MAP3K20: variants seen among roughly 807,000 people sequenced by gnomAD.
MAP3K20 encodes HCCS-4.
MAP3K20 carries 40 observed loss-of-function variants against 85.7 expected under a neutral mutation model. The ratio of observed to expected loss-of-function variants is 0.47; its 90% confidence interval spans 0.36 to 0.61. The LOEUF (loss-of-function observed/expected upper bound fraction) is 0.61. MAP3K20 is among the 20% of genes least tolerant of loss of function. The pLI, the probability that MAP3K20 is intolerant of heterozygous loss-of-function variation, is 0.00. For missense variants in MAP3K20, 817 were observed against 961.7 expected, an observed-to-expected ratio of 0.85 and a Z score of 1.99; for synonymous variants, 325 against 327.7, an observed-to-expected ratio of 0.99 and a Z score of 0.09.
intron 2 of MAP3K20, among the ~76,000 whole-genome samples, chr2:173,137,234 T>A (rs1163167699): frequency 6.6e-6 from 1 of 152,244 alleles, no homozygotes; most frequent in Non-Finnish European, 1.5e-5. Flanking sequence ...AATTTATATA[T>A]GCAAAATTCC....
chr2:173,112,866 G>A (rs1460897175), intron 2 of MAP3K20, among the ~76,000 whole-genome samples: 1 of 152,090 alleles, frequency 6.6e-6, no homozygotes, highest in Non-Finnish European at 1.5e-5. Flanking sequence ...AAGGATATCA[G>A]TCTGTAGTTT....
In MAP3K20 at chr2:173,242,695, CTTTCTTTTTTTT is replaced by C. The variant is rs1684816703; in HGVS notation, c.1359+3203_1359+3214del. ...TCCTTGGTCACCCATCCAGAGTAAT[CTTTCTTTTTTTT>C]TTTTTTTTTTTTTTTTTAAGACAGA... On this transcript the variant is annotated intron_variant, in intron 16 of 19. Transcript: ENST00000375213. 3.1e-5 allele frequency among the ~76,000 whole-genome samples: 3 copies of C among 96,658 alleles called. No homozygotes were observed. In the Admixed American group the frequency reaches 3.9e-4, roughly 13 times the overall value. 63.4% of individuals were successfully genotyped at this position (96,658 alleles called of 152,430 possible). A position where few individuals can be genotyped will look rare whatever the true frequency, so the allele number is the denominator to read the frequency against.
Position 173,147,747 on chromosome 2 carries a change from C to T in MAP3K20, c.160-22058C>T, listed in dbSNP as rs370304880. On this transcript the variant is annotated intron_variant, in intron 2 of 19. Transcript: ENST00000375213. ...GACTACAGGCGCCTGCCACCACGCC[C>T]GGCTAATTTTTGTATTTTTAGTAGA... 8.2e-4 allele frequency among the ~76,000 whole-genome samples: 124 copies of T among 152,096 alleles called. 1 individual carries two copies. Among genetic ancestry groups the T allele is most frequent in the African/African-American group, 2.6e-3 (108 of 41,502 alleles).
chr2:173,195,066 T>G (rs1690782834), intron 7 of MAP3K20, among the ~76,000 whole-genome samples: 1 of 151,892 alleles, frequency 6.6e-6, no homozygotes. Context: ...TTTTCTACCC[T>G]CTTATGAGAA....
At chr2:173,200,299 G>A (rs1389120121) in intron 8 of MAP3K20, among the ~76,000 whole-genome samples, 1 of 152,096 alleles carries the variant, frequency 6.6e-6, no homozygotes, top group Non-Finnish European at 1.5e-5. Flanking sequence ...AATAAATTCT[G>A]TTGACATAGC....
At chr2:173,223,605 TAA>T (rs1043406047) in intron 11 of MAP3K20, 50 of 985,338 alleles carry the variant, frequency 5.1e-5, no homozygotes, top group Non-Finnish European at 5.5e-5. Context: ...GAATGTAAGC[TAA>T]ACAGATTTTT....
intron 9 of MAP3K20, among the ~76,000 whole-genome samples, chr2:173,206,046 G>A (rs1224261101): frequency 1.3e-5 from 2 of 152,118 alleles, no homozygotes; most frequent in South Asian, 2.1e-4. Context: ...CCATTGTGAT[G>A]TAGAAGTCAT....
intron 2 of MAP3K20, among the ~76,000 whole-genome samples, chr2:173,098,053 C>T (rs1036387717): frequency 2.0e-5 from 3 of 151,958 alleles, no homozygotes; most frequent in African/African-American, 7.3e-5. Flanking sequence ...AAATATTTCC[C>T]CCTGACCCAA....
chr2:173,138,845 A>G (rs1439972680), intron 2 of MAP3K20, among the ~76,000 whole-genome samples: 1 of 152,244 alleles, frequency 6.6e-6, no homozygotes, highest in African/African-American at 2.4e-5. Context: ...TTCCTTCTTC[A>G]TCTGGTACTT....
At chr2:173,111,389 T>C (rs996137595) in intron 2 of MAP3K20, among the ~76,000 whole-genome samples, 3 of 152,238 alleles carry the variant, frequency 2.0e-5, no homozygotes, top group African/African-American at 4.8e-5. Context: ...TTTACTCTGC[T>C]GACTGTTCCT....
chr2:173,205,117 A>T lies in MAP3K20; in HGVS notation c.744+1247A>T, dbSNP rs11682105. Among the ~76,000 whole-genome samples, 499 of 146,402 alleles carry T rather than the reference A, an allele frequency of 3.4e-3. 15 individuals carry two copies. The highest frequency in any genetic ancestry group is 8.6e-3 in the African/African-American group (335 of 38,956). ...GACTCTGTCTCAAAAAAAAAAAAAA[A>T]AAAAATAAATAAATAAAATAAAACA... On this transcript the variant is annotated intron_variant, in intron 9 of 19. Transcript: ENST00000375213.
intron 2 of MAP3K20, among the ~76,000 whole-genome samples, chr2:173,117,809 T>A (rs1174353585): frequency 6.6e-6 from 1 of 152,208 alleles, no homozygotes; most frequent in Non-Finnish European, 1.5e-5. Context: ...CTCTCCTTTT[T>A]CCTCTTAAGT....
intron 2 of MAP3K20, among the ~76,000 whole-genome samples, chr2:173,096,438 C>T (rs1002933794): frequency 6.6e-6 from 1 of 151,258 alleles, no homozygotes; most frequent in Non-Finnish European, 1.5e-5. Context: ...CTCCCGAGTT[C>T]AAGCGATTCT....
chr2:173,244,886 C>A (rs1684878504), intron 16 of MAP3K20, among the ~76,000 whole-genome samples: 1 of 152,198 alleles, frequency 6.6e-6, no homozygotes, highest in African/African-American at 2.4e-5. Context: ...AAAGGTGAAG[C>A]CTTTAAGTCC....
intron 11 of MAP3K20, chr2:173,224,369 T>G (rs1228984729): frequency 1.8e-5 from 18 of 985,298 alleles, no homozygotes; most frequent in Non-Finnish European, 1.9e-5. Context: ...GAAATGGACA[T>G]TTTTTCTTAA....
chr2:173,214,376 A>C (rs1309138802), intron 10 of MAP3K20: 2 of 152,210 alleles, frequency 1.3e-5, no homozygotes, highest in Non-Finnish European at 2.9e-5. Flanking sequence ...GACCTGTGGC[A>C]ACCTGCACTG....
chr2:173,075,968 C>T lies in MAP3K20; in HGVS notation c.-69C>T, dbSNP rs112186302. The T allele has an allele frequency of 6.1e-6, 6 of 984,980 alleles. No homozygotes were observed. Among genetic ancestry groups the T allele is most frequent in the African/African-American group, 5.2e-5 (3 of 57,178 alleles). 61.0% of individuals were successfully genotyped at this position (984,980 alleles called of 1,614,324 possible). Reference sequence around the variant, plus strand: ...CTCGTCGCGCGCGGGGCCTCCGCGCCCCCGGCTGCTGCTCACGCCCCGCCC... The same window carrying T: ...CTCGTCGCGCGCGGGGCCTCCGCGCTCCCGGCTGCTGCTCACGCCCCGCCC... On this transcript the variant is annotated 5_prime_UTR_variant, in exon 1 of 20. Coordinates refer to ENST00000375213, the MANE Select transcript of MAP3K20 (RefSeq NM_016653.3).
At chr2:173,197,548 G>A (rs1438312143) in intron 7 of MAP3K20, among the ~76,000 whole-genome samples, 1 of 152,172 alleles carries the variant, frequency 6.6e-6, no homozygotes. Context: ...CCATTGTGGG[G>A]TAGGTAGGTT....
intron 16 of MAP3K20, among the ~76,000 whole-genome samples, chr2:173,251,079 T>C (rs1217239868): frequency 6.6e-6 from 1 of 152,198 alleles, no homozygotes; most frequent in Non-Finnish European, 1.5e-5. Context: ...GAGGCCTAAA[T>C]TGTCAACATC....
Sources: gnomAD v4.1 joint callset for allele counts (sites outside exome capture counted in the v4.1 genomes callset) on GRCh38, gnomAD v4.1.1 for gene constraint, MANE v1.5 for transcripts, NCBI Gene and HGNC (gene_info 2026-07-23, HGNC 2026-07-21) for gene names.